Variants in KLHL32 observed in about 807,000 individuals in gnomAD.
The protein encoded by KLHL32 is kelch like family member 32, also known as kelch-like protein 32.
KLHL32 carries 35 observed loss-of-function variants against 64.8 expected under a neutral mutation model. That is an observed-to-expected ratio of 0.54 (90% CI 0.41 to 0.72). The LOEUF (loss-of-function observed/expected upper bound fraction) is 0.72. Ranked by LOEUF, KLHL32 falls within the 30% of genes least tolerant of loss-of-function variation. The probability of loss-of-function intolerance (pLI) is 0.00; values close to 1 mark genes in which losing one functional copy is unlikely to be tolerated. For missense variants in KLHL32, 589 were observed against 768.5 expected, an observed-to-expected ratio of 0.77 and a Z score of 2.76; for synonymous variants, 259 against 281.0, an observed-to-expected ratio of 0.92 and a Z score of 0.78.
At chr6:97,070,301 T>C (rs1375767553) in intron 5 of KLHL32, among the ~76,000 whole-genome samples, 1 of 152,210 alleles carries the variant, frequency 6.6e-6, no homozygotes, top group Non-Finnish European at 1.5e-5. Flanking sequence ...ATCAGACCTA[T>C]TAAATCATAG....
At chr6:97,044,490 G>T (rs994126986) in intron 4 of KLHL32, among the ~76,000 whole-genome samples, 3 of 151,950 alleles carry the variant, frequency 2.0e-5, no homozygotes, top group African/African-American at 4.8e-5. Flanking sequence ...TCTTTGTCTG[G>T]CTTTGGTATC....
At chr6:97,066,671 G>A (rs1399289814) in intron 5 of KLHL32, among the ~76,000 whole-genome samples, 1 of 152,000 alleles carries the variant, frequency 6.6e-6, no homozygotes, top group African/African-American at 2.4e-5. Flanking sequence ...AAATCATGTC[G>A]ACGTAGAAAC....
chr6:96,998,536 T>C (rs535176826), intron 3 of KLHL32, among the ~76,000 whole-genome samples: 9 of 152,236 alleles, frequency 5.9e-5, no homozygotes, highest in African/African-American at 2.2e-4. Flanking sequence ...AAATATTTAC[T>C]ACTGTCCTAA....
intron 3 of KLHL32, among the ~76,000 whole-genome samples, chr6:97,019,262 G>A (rs536969281): frequency 1.1e-4 from 17 of 152,244 alleles, no homozygotes; most frequent in Admixed American, 2.6e-4. Context: ...TGCAATTTGC[G>A]TTCCTTGGGA....
chr6:97,031,525 A>G (rs897065900), intron 3 of KLHL32, among the ~76,000 whole-genome samples: 1 of 151,736 alleles, frequency 6.6e-6, no homozygotes, highest in East Asian at 1.9e-4. Context: ...GTTTGTAGAG[A>G]TAGGGTCTTC....
intron 3 of KLHL32, among the ~76,000 whole-genome samples, chr6:96,988,647 A>G (rs1234331375): frequency 6.6e-6 from 1 of 152,260 alleles, no homozygotes; most frequent in Non-Finnish European, 1.5e-5. Context: ...ATAAAGATAC[A>G]TGCACACGTA....
intron 1 of KLHL32, among the ~76,000 whole-genome samples, chr6:96,942,655 GT>G (rs1266703241): frequency 0.13 from 362 of 2,686 alleles, 1 homozygote; most frequent in African/African-American, 0.26. Flanking sequence ...CAGCTGTGGG[GT>G]GTGTGTGTGT....
intron 1 of KLHL32, among the ~76,000 whole-genome samples, chr6:96,947,207 A>G (rs548592367): frequency 6.6e-6 from 1 of 152,308 alleles, no homozygotes; most frequent in South Asian, 2.1e-4. Flanking sequence ...TATCCAAATA[A>G]GGCAAACACC....
the KLHL32 span, among the ~76,000 whole-genome samples, chr6:96,906,142 A>T: frequency 6.6e-6 from 1 of 152,196 alleles, no homozygotes; most frequent in African/African-American, 2.4e-5. Context: ...TAGGTGAGGC[A>T]GGGAGGCAGG....
chr6:96,961,743 TTGAGC>T (rs1260890999), intron 1 of KLHL32, among the ~76,000 whole-genome samples: 1 of 152,144 alleles, frequency 6.6e-6, no homozygotes, highest in Non-Finnish European at 1.5e-5. Context: ...ACAAGGGTAA[TTGAGC>T]TGTATGGTTC....
chr6:97,138,380 A>G (rs556832323), intron 10 of KLHL32, among the ~76,000 whole-genome samples: 1 of 152,080 alleles, frequency 6.6e-6, no homozygotes, highest in South Asian at 2.1e-4. Context: ...CACTACAGAA[A>G]ATTTACAGAT....
intron 1 of KLHL32, among the ~76,000 whole-genome samples, chr6:96,966,277 A>G (rs1016248723): frequency 6.6e-6 from 1 of 152,218 alleles, no homozygotes; most frequent in Non-Finnish European, 1.5e-5. Context: ...CAGGACCCAG[A>G]CTATTCAAAT....
At chr6:97,044,073 C>A (rs1257174108) in intron 4 of KLHL32, among the ~76,000 whole-genome samples, 1 of 151,806 alleles carries the variant, frequency 6.6e-6, no homozygotes, top group Non-Finnish European at 1.5e-5. Flanking sequence ...TGTTTCTGAT[C>A]TTAAAGGAGG....
At chr6:97,048,759 G>A (rs72930919) in intron 4 of KLHL32, among the ~76,000 whole-genome samples, 2,774 of 152,292 alleles carry the variant, frequency 0.018, 39 homozygotes, top group Non-Finnish European at 0.027. Flanking sequence ...CTTTCTCATG[G>A]ACCATCCCTT....
At chr6:96,942,842 T>C (rs74506001) in intron 1 of KLHL32, among the ~76,000 whole-genome samples, 1 of 152,152 alleles carries the variant, frequency 6.6e-6, no homozygotes, top group Admixed American at 6.5e-5. Context: ...ATTGTCCTCA[T>C]TCTGCAGAGA....
upstream of KLHL32, among the ~76,000 whole-genome samples, chr6:96,923,405 C>T (rs1768823909): frequency 6.6e-6 from 1 of 152,194 alleles, no homozygotes; most frequent in African/African-American, 2.4e-5. Context: ...GATGACACTG[C>T]ACCTAATGTT....
Position 97,073,197 on chromosome 6 carries a change from A to G in KLHL32, c.411+8471A>G, listed in dbSNP as rs573890033. ...GGAAATGTCAGCAAATTTTCTGCCT[A>G]CTTCAAATTGACAACCTATTGGACA... is the stretch of plus-strand genomic sequence containing the variant. On this transcript the variant is annotated intron_variant, in intron 5 of 10. Transcript: ENST00000369261. Among the ~76,000 whole-genome samples the G allele has an allele frequency of 8.5e-4, 129 of 152,236 alleles. 3 individuals carry two copies. The South Asian group carries it at 0.026, about 31-fold the overall frequency.
At chr6:97,070,230 A>C (rs1470221067) in intron 5 of KLHL32, among the ~76,000 whole-genome samples, 2 of 152,198 alleles carry the variant, frequency 1.3e-5, no homozygotes, top group African/African-American at 4.8e-5. Flanking sequence ...ACATATTACA[A>C]GTGGTTTAAT....
At chr6:97,032,627 C>T (rs181725294) in intron 3 of KLHL32, among the ~76,000 whole-genome samples, 41 of 152,054 alleles carry the variant, frequency 2.7e-4, no homozygotes, top group African/African-American at 9.6e-4. Flanking sequence ...GCTGTATATA[C>T]GGGATTGGTG....
Sources: gnomAD v4.1 joint callset for allele counts (sites outside exome capture counted in the v4.1 genomes callset) on GRCh38, gnomAD v4.1.1 for gene constraint, MANE v1.5 for transcripts, NCBI Gene and HGNC (gene_info 2026-07-23, HGNC 2026-07-21) for gene names.